The following TRIP4 variants were observed in gnomAD, a reference collection of about 807,000 sequenced individuals.
The protein encoded by TRIP4 is thyroid hormone receptor interactor 4, also known as activating signal cointegrator 1.
In TRIP4, 54 loss-of-function variants were observed where a neutral mutation model predicts 81.8. The observed-to-expected ratio is 0.66, with a 90% CI of 0.53 to 0.83. The LOEUF (loss-of-function observed/expected upper bound fraction) is 0.83. Ranked by LOEUF, TRIP4 falls within the 40% of genes least tolerant of loss-of-function variation. The pLI is 0.00. For missense variants in TRIP4, 662 were observed against 683.6 expected (o/e 0.97, Z 0.35); for synonymous variants, 270 against 242.8 (o/e 1.11, Z -1.04).
chr15:64,453,844 G>A (rs1328041865), intron 12 of TRIP4, among the ~76,000 whole-genome samples: 5 of 152,210 alleles, frequency 3.3e-5, no homozygotes, highest in African/African-American at 1.2e-4. Flanking sequence ...TTTTCTCACA[G>A]TCTTACTGTG....
At chr15:64,404,519 C>T (rs1014448434) in intron 5 of TRIP4, among the ~76,000 whole-genome samples, 1 of 151,868 alleles carries the variant, frequency 6.6e-6, no homozygotes, top group Non-Finnish European at 1.5e-5. Context: ...CAGGGTTTTG[C>T]CATGTTGGCC....
rs2140542707 is a variant in TRIP4, at chr15:64,389,519, A to C, written c.101+1555A>C. The stretch of plus-strand genomic sequence containing the variant: ...ATAAAGGATTTTTTTTAACACTAGA[A>C]TAGACAACAAAACAAAACAGCGAAA... On this transcript the variant is annotated intron_variant, in intron 1 of 12. Transcript: ENST00000261884. 3.3e-5 allele frequency among the ~76,000 whole-genome samples: 5 copies of C among 152,244 alleles called. No individual in the cohort carries two copies. In the Middle Eastern group the frequency reaches 0.014, roughly 414 times the overall value.
At chr15:64,444,157 A>T (rs922596290) in intron 11 of TRIP4, among the ~76,000 whole-genome samples, 1 of 152,224 alleles carries the variant, frequency 6.6e-6, no homozygotes, top group Non-Finnish European at 1.5e-5. Flanking sequence ...TACGGTAGTT[A>T]CTAGGAGAAA....
intron 8 of TRIP4, among the ~76,000 whole-genome samples, chr15:64,415,587 T>C (rs1891877174): frequency 6.6e-6 from 1 of 152,208 alleles, no homozygotes; most frequent in Non-Finnish European, 1.5e-5. Flanking sequence ...TGTCTTCACA[T>C]GGACTTCTTC....
chr15:64,402,575 G>A (rs1481896335), intron 5 of TRIP4, among the ~76,000 whole-genome samples: 1 of 150,392 alleles, frequency 6.6e-6, no homozygotes, highest in Non-Finnish European at 1.5e-5. Context: ...CCAGGCTGGA[G>A]TGCAATGGCG....
chr15:64,426,536 C>T (rs763068091), intron 11 of TRIP4, among the ~76,000 whole-genome samples: 3 of 151,936 alleles, frequency 2.0e-5, no homozygotes, highest in Non-Finnish European at 4.4e-5. Flanking sequence ...CCCGCTTCTA[C>T]TAAAAATACA....
At chr15:64,433,688 T>C (rs1372419835) in intron 11 of TRIP4, among the ~76,000 whole-genome samples, 1 of 152,144 alleles carries the variant, frequency 6.6e-6, no homozygotes, top group Non-Finnish European at 1.5e-5. Context: ...ACTGAGATGG[T>C]AGAAAAGCAT....
chr15:64,451,778 TGAGTAGC>T (rs1892769014), intron 12 of TRIP4, among the ~76,000 whole-genome samples: 1 of 149,710 alleles, frequency 6.7e-6, no homozygotes, highest in African/African-American at 2.5e-5. Context: ...CTCAGCCTCT[TGAGTAGC>T]TGGGATTACA....
chr15:64,437,770 C>T (rs1429410603), intron 11 of TRIP4, among the ~76,000 whole-genome samples: 5 of 152,022 alleles, frequency 3.3e-5, no homozygotes, highest in African/African-American at 4.8e-5. Flanking sequence ...CTGGGATTAC[C>T]GGCCTGAGCC....
At chr15:64,434,303 G>A (rs1453543919) in intron 11 of TRIP4, among the ~76,000 whole-genome samples, 1 of 151,744 alleles carries the variant, frequency 6.6e-6, no homozygotes, top group Non-Finnish European at 1.5e-5. Context: ...GGAGGCTGAG[G>A]CAGGAGAATC....
intron 11 of TRIP4, among the ~76,000 whole-genome samples, chr15:64,432,836 G>A (rs927627797): frequency 7.9e-5 from 12 of 151,682 alleles, no homozygotes; most frequent in African/African-American, 2.4e-4. Context: ...TCTTGAACCC[G>A]GGAGGTGGAG....
chr15:64,441,760 G>A (rs1214529536), intron 11 of TRIP4, among the ~76,000 whole-genome samples: 1 of 151,772 alleles, frequency 6.6e-6, no homozygotes, highest in East Asian at 1.9e-4. Context: ...GCAACAGAGC[G>A]AGACTCCGTC....
chr15:64,397,500 T>C, intron 3 of TRIP4, 106 bp from the exon 4 acceptor site: 2 of 1,073,578 alleles, frequency 1.9e-6, no homozygotes. Context: ...TTCTTGGTTC[T>C]TGGATAGTAT....
chr15:64,443,851 A>C (rs1320359507), intron 11 of TRIP4, among the ~76,000 whole-genome samples: 2 of 152,084 alleles, frequency 1.3e-5, no homozygotes, highest in African/African-American at 4.8e-5. Context: ...GAGAGACCCC[A>C]TCTTTAAAAA....
chr15:64,420,798 C>T (rs1891995398), intron 9 of TRIP4, among the ~76,000 whole-genome samples: 1 of 151,990 alleles, frequency 6.6e-6, no homozygotes. Context: ...TCTCAAAGTG[C>T]TGGGATTATA....
intron 11 of TRIP4, among the ~76,000 whole-genome samples, chr15:64,426,990 G>A (rs574825687): frequency 7.4e-4 from 112 of 151,820 alleles, no homozygotes; most frequent in African/African-American, 2.5e-3. Flanking sequence ...ACAGAGCAAG[G>A]CTCTGTCTCA....
intron 4 of TRIP4, 29 bp from the exon 5 acceptor site, chr15:64,400,714 T>A: frequency 6.4e-7 from 1 of 1,561,856 alleles, no homozygotes; most frequent in Non-Finnish European, 8.8e-7. Context: ...AACTGTTGGA[T>A]CACATGTCTT....
intron 8 of TRIP4, among the ~76,000 whole-genome samples, chr15:64,415,463 G>GA (rs1479439716): frequency 6.6e-6 from 1 of 152,184 alleles, no homozygotes; most frequent in Non-Finnish European, 1.5e-5. Flanking sequence ...CAAGGTGTTG[G>GA]AAAGACTACA....
At chr15:64,420,790 T>TGGGATTATAGG (rs1464108346) in intron 9 of TRIP4, among the ~76,000 whole-genome samples, 2 of 151,550 alleles carry the variant, frequency 1.3e-5, no homozygotes. Flanking sequence ...CCTCGGCCTC[T>TGGGATTATAGG]CAAAGTGCTG....
Sources: allele counts gnomAD v4.1 joint callset (sites outside exome capture counted in the v4.1 genomes callset), GRCh38; gene constraint gnomAD v4.1.1; transcripts MANE v1.5; gene names NCBI Gene and HGNC (gene_info 2026-07-23, HGNC 2026-07-21).